The following LIPE variants were observed in gnomAD, a reference collection of about 807,000 sequenced individuals.
The protein encoded by LIPE is lipase E, hormone sensitive type, also known as hormone-sensitive lipase.
In LIPE, 66 loss-of-function variants were observed where a neutral mutation model predicts 88.5. The observed-to-expected ratio is 0.75, with a 90% CI of 0.61 to 0.91. The LOEUF (loss-of-function observed/expected upper bound fraction) is 0.91, where lower values mean the gene tolerates loss of function less well. Ranked by LOEUF, LIPE falls within the 40% of genes least tolerant of loss-of-function variation. The pLI is 0.00. For missense variants in LIPE, 1,346 were observed against 1,434.7 expected (o/e 0.94, Z 1.00); for synonymous variants, 570 against 617.5 (o/e 0.92, Z 1.14).
At position 42,426,254 on chromosome 19, in the gene LIPE, G is replaced by A; in HGVS notation, c.883+13C>T. 6.3e-7 allele frequency: 1 copy of A among 1,587,532 alleles called. No individual in the cohort carries two copies. The highest frequency in any genetic ancestry group is 1.1e-5 in the South Asian group (1 of 89,854). On this transcript the variant is annotated intron_variant, in intron 1 of 9. Coordinates refer to ENST00000244289, the MANE Select transcript of LIPE (RefSeq NM_005357.4). ...TCCCTGAGAGGCTTCAATTCCTCCA[G>A]ATTCACACTCACCTGTATCCTGGTA...
chr19:42,411,220 C>T (rs562857368), intron 1 of LIPE: 52 of 794,112 alleles, frequency 6.5e-5, no homozygotes, highest in Non-Finnish European at 7.3e-5. Flanking sequence ...CTCCTGAATC[C>T]GGACATTCCC....
In LIPE at chr19:42,423,707, C is replaced by T; in HGVS notation, c.883+2560G>A. The T allele has an allele frequency of 2.6e-6, 3 of 1,134,558 alleles. No individual in the cohort carries two copies. In the East Asian group the frequency reaches 2.4e-4, roughly 92 times the overall value. The allele number at this position is 1,134,558 out of a possible 1,614,324, so 70.3% of individuals were successfully genotyped here. On this transcript the variant is annotated intron_variant, in intron 1 of 9. Transcript: ENST00000244289. Reference sequence around the variant, plus strand: ...CTGGTCTCCCTCCGCTGCCGTGCTCCGCCCCCAACCGCCAGAATTTAAGAT... The same window carrying T: ...CTGGTCTCCCTCCGCTGCCGTGCTCTGCCCCCAACCGCCAGAATTTAAGAT...
chr19:42,409,427 T>C (rs34366776), intron 2 of LIPE, among the ~76,000 whole-genome samples: 6,106 of 139,000 alleles, frequency 0.044, 392 homozygotes, highest in African/African-American at 0.15. Flanking sequence ...AAAAATACAA[T>C]GGGGACACAG....
intron 1 of LIPE, among the ~76,000 whole-genome samples, chr19:42,417,391 T>C (rs975400391): frequency 4.6e-5 from 7 of 151,962 alleles, no homozygotes; most frequent in African/African-American, 9.7e-5. Flanking sequence ...TCCTGAGTAG[T>C]GGGGACTACA....
In LIPE at chr19:42,410,237, T is replaced by C; in HGVS notation, c.1419+70A>G. 7.0e-7 allele frequency: 1 copy of C among 1,438,186 alleles called. No individual in the cohort carries two copies. The highest frequency in any genetic ancestry group is 2.3e-5 in the Admixed American group (1 of 44,260). The allele number at this position is 1,438,186 out of a possible 1,614,324, so 89.1% of individuals were successfully genotyped here. On this transcript the variant is annotated intron_variant, in intron 2 of 9. Transcript: ENST00000244289. This position sits in a 1 kb window ranked among gnomAD's most constrained non-coding sequence, Gnocchi z 6.1. ...CTGACCACTGGTTACTTTACCATAC[T>C]ATAGGCCAGGCCAGGGGCCACCAGG... is the stretch of plus-strand genomic sequence containing the variant.
At chr19:42,424,667 C>T (rs939324221) in intron 1 of LIPE, 15 of 455,916 alleles carry the variant, frequency 3.3e-5, no homozygotes, top group African/African-American at 3.0e-4. Flanking sequence ...CCATTGCCTG[C>T]CCTCTGGACC....
chr19:42,412,489 C>T, intron 1 of LIPE: 1 of 985,804 alleles, frequency 1.0e-6, no homozygotes, highest in Non-Finnish European at 1.2e-6. Flanking sequence ...CCGCACAAGC[C>T]ACCTCCCACC....
At position 42,410,253 on chromosome 19, in the gene LIPE, G is replaced by T. The variant is rs934294135; in HGVS notation, c.1419+54C>A. ...TTACCATACTATAGGCCAGGCCAGGGGCCACCAGGTGCCTTCATTGTGGGC... is the reference window on the plus strand; with the variant it reads ...TTACCATACTATAGGCCAGGCCAGGTGCCACCAGGTGCCTTCATTGTGGGC... On this transcript the variant is annotated intron_variant, in intron 2 of 9. Coordinates refer to ENST00000244289, the MANE Select transcript of LIPE (RefSeq NM_005357.4). This position sits in a 1 kb window ranked among gnomAD's most constrained non-coding sequence, Gnocchi z 6.1. 4.7e-6 allele frequency: 7 copies of T among 1,494,448 alleles called. No individual in the cohort carries two copies. Among genetic ancestry groups the T allele is most frequent in the Non-Finnish European group, 6.3e-6 (7 of 1,112,426 alleles). The allele number at this position is 1,494,448 out of a possible 1,614,324, so 92.6% of individuals were successfully genotyped here.
chr19:42,414,257 A>G lies in LIPE; in HGVS notation c.884-3415T>C, dbSNP rs894758368. Among the ~76,000 whole-genome samples the G allele has an allele frequency of 6.6e-6, 1 of 151,840 alleles. No individual in the cohort carries two copies. Among genetic ancestry groups the G allele is most frequent in the Non-Finnish European group, 1.5e-5 (1 of 68,014 alleles). On this transcript the variant is annotated intron_variant, in intron 1 of 9. Transcript: ENST00000244289. This position sits in a 1 kb window ranked among gnomAD's most constrained non-coding sequence, Gnocchi z 4.6. ...CCACTGTACTCCAGCCTGGCGATAA[A>G]GCGAGACTCTGTCAGAAAAGAAAGG... is the stretch of plus-strand genomic sequence containing the variant.
chr19:42,406,021 A>ACG lies in LIPE; in HGVS notation c.2365+139_2365+140insCG, dbSNP rs1568598174. On this transcript the variant is annotated intron_variant, in intron 7 of 9. Transcript: ENST00000244289. The surrounding 1 kb of genome is among the most constrained non-coding windows in gnomAD (Gnocchi z 5.7). ...ACACACACACACACACACACACACG[A>ACG]AAAAAAAGGGACAAGGAGTCTTAGA... is the stretch of plus-strand genomic sequence containing the variant. The ACG allele has an allele frequency of 3.9e-4, 229 of 592,526 alleles. 1 individual carries two copies. In the African/African-American group the frequency reaches 5.8e-3, roughly 15 times the overall value. The allele number at this position is 592,526 out of a possible 1,614,324, so 36.7% of individuals were successfully genotyped here.
At chr19:42,411,792 A>C (rs1300643607) in intron 1 of LIPE, among the ~76,000 whole-genome samples, 2 of 152,164 alleles carry the variant, frequency 1.3e-5, no homozygotes, top group African/African-American at 4.8e-5. Context: ...TGGAACAGCG[A>C]TACTCATCAC....
intron 9 of LIPE, 54 bp downstream of exon 9, chr19:42,402,553 C>A: frequency 7.1e-7 from 1 of 1,403,634 alleles, no homozygotes; most frequent in South Asian, 1.9e-5. Flanking sequence ...CCCTCCTCCC[C>A]GGGTGCCCTG....
intron 8 of LIPE, among the ~76,000 whole-genome samples, chr19:42,404,257 A>T (rs2040097074): frequency 6.8e-6 from 1 of 147,280 alleles, no homozygotes. Flanking sequence ...TTTTTGAGAC[A>T]GTCTCACTCT....
Position 42,427,327 on chromosome 19 carries a change from A to G in LIPE, c.-178T>C. 3 of 1,224,404 alleles carry G rather than the reference A, an allele frequency of 2.5e-6. No homozygotes were observed. The highest frequency in any genetic ancestry group is 2.2e-6 in the Non-Finnish European group (2 of 922,674). The allele number at this position is 1,224,404 out of a possible 1,614,324, so 75.8% of individuals were successfully genotyped here. A position where few individuals can be genotyped will look rare whatever the true frequency, so the allele number is the denominator to read the frequency against. On this transcript the variant is annotated 5_prime_UTR_variant, in exon 1 of 10. Coordinates refer to ENST00000244289, the MANE Select transcript of LIPE (RefSeq NM_005357.4). Reference sequence around the variant, plus strand: ...TAAGGCAGCTGGCAGTTGGCCGATCACAGCTGGCCCCCACTAAGTAATGAA... The same window carrying G: ...TAAGGCAGCTGGCAGTTGGCCGATCGCAGCTGGCCCCCACTAAGTAATGAA...
chr19:42,424,926 G>A, intron 1 of LIPE: 1 of 330,018 alleles, frequency 3.0e-6, no homozygotes. Flanking sequence ...GGTGAGCCCA[G>A]AGCCTTGGGC....
intron 1 of LIPE, among the ~76,000 whole-genome samples, chr19:42,425,543 G>A: frequency 6.6e-6 from 1 of 152,096 alleles, no homozygotes; most frequent in African/African-American, 2.4e-5. Context: ...GGTGCTCGGT[G>A]GCTCATGCCT....
rs920948421 is a variant in LIPE, at chr19:42,412,569, C to G, written c.884-1727G>C. ...CTCAGCTCCCTGCTCTGCCCCCCACCTGCTCCCAGACTCAGCTCAACTGGT... is the reference window on the plus strand; with the variant it reads ...CTCAGCTCCCTGCTCTGCCCCCCACGTGCTCCCAGACTCAGCTCAACTGGT... On this transcript the variant is annotated intron_variant, in intron 1 of 9. Coordinates refer to ENST00000244289, the MANE Select transcript of LIPE (RefSeq NM_005357.4). The G allele has an allele frequency of 7.1e-6, 7 of 986,666 alleles. No homozygotes were observed. In the African/African-American group the frequency reaches 8.7e-5, roughly 12 times the overall value. The allele number at this position is 986,666 out of a possible 1,614,324, so 61.1% of individuals were successfully genotyped here.
At chr19:42,404,291 G>A (rs1368579028) in intron 8 of LIPE, among the ~76,000 whole-genome samples, 1 of 151,338 alleles carries the variant, frequency 6.6e-6, no homozygotes, top group African/African-American at 2.4e-5. Flanking sequence ...GAGTGCAGTG[G>A]CGTGATCTCG....
Position 42,406,419 on chromosome 19 carries a change from C to A in LIPE, c.2138-31G>T. The A allele has an allele frequency of 4.4e-6, 7 of 1,592,608 alleles. No individual in the cohort carries two copies. Among genetic ancestry groups the A allele is most frequent in the Non-Finnish European group, 6.0e-6 (7 of 1,161,410 alleles). ...TTGGGAGAGGGGTGGTTGGTGACAA[C>A]CTGGCAGGGGCAGAGGCCTGGGGAG... On this transcript the variant is annotated intron_variant, in intron 6 of 9. Transcript: ENST00000244289. The surrounding 1 kb of genome is among the most constrained non-coding windows in gnomAD (Gnocchi z 5.7).
Sources: gnomAD v4.1 joint callset for allele counts (sites outside exome capture counted in the v4.1 genomes callset) on GRCh38, gnomAD v4.1.1 for gene constraint, Gnocchi (gnomAD v3.1) non-coding constraint, MANE v1.5 for transcripts, NCBI Gene and HGNC (gene_info 2026-07-23, HGNC 2026-07-21) for gene names.